GRM7: variants seen among roughly 807,000 people sequenced by gnomAD.
The protein encoded by GRM7 is glutamate metabotropic receptor 7.
GRM7 carries 35 observed loss-of-function variants against 84.5 expected under a neutral mutation model. The observed-to-expected ratio is 0.41, with a 90% confidence interval of 0.32 to 0.55. The LOEUF (loss-of-function observed/expected upper bound fraction) is 0.55, where lower values mean the gene tolerates loss of function less well. GRM7 is among the 20% of genes least tolerant of loss of function. The pLI is 0.19. For missense variants in GRM7, 1,003 were observed against 1,194.6 expected (o/e 0.84, Z 2.36); for synonymous variants, 487 against 455.1 (o/e 1.07, Z -0.89).
chr3:7,349,486 G>A (rs1209211148), intron 4 of GRM7, among the ~76,000 whole-genome samples: 1 of 152,124 alleles, frequency 6.6e-6, no homozygotes, highest in Non-Finnish European at 1.5e-5. Context: ...TAGGTACTCA[G>A]TCTCAAAGAT....
intron 4 of GRM7, among the ~76,000 whole-genome samples, chr3:7,348,903 T>G (rs562086339): frequency 6.6e-6 from 1 of 152,200 alleles, no homozygotes; most frequent in South Asian, 2.1e-4. Context: ...ATGAATAACA[T>G]ACATGTAATT....
At chr3:7,602,585 C>T (rs1039760319) in intron 8 of GRM7, among the ~76,000 whole-genome samples, 4 of 152,104 alleles carry the variant, frequency 2.6e-5, no homozygotes, top group African/African-American at 4.8e-5. Context: ...TCAGCATCAG[C>T]GACTACTTGG....
intron 7 of GRM7, among the ~76,000 whole-genome samples, chr3:7,565,112 T>A (rs574772708): frequency 2.6e-5 from 4 of 152,332 alleles, no homozygotes; most frequent in South Asian, 4.1e-4. Context: ...TAGATATGCA[T>A]TAAATGACCA....
At chr3:7,245,592 C>G (rs114545716) in intron 2 of GRM7, among the ~76,000 whole-genome samples, 2 of 151,906 alleles carry the variant, frequency 1.3e-5, no homozygotes, top group Non-Finnish European at 2.9e-5. Flanking sequence ...GAATATCCTT[C>G]AAAAATGAAG....
Position 7,545,744 on chromosome 3 carries a change from G to T in GRM7, c.1516-32678G>T, listed in dbSNP as rs1364974471. On this transcript the variant is annotated intron_variant, in intron 7 of 9. Transcript: ENST00000357716. ...AAGAAGAAGGCAATTTTGAGGGTCT[G>T]GAAAGGTTCTATTTCCTGATCTGTG... 2.0e-5 allele frequency among the ~76,000 whole-genome samples: 3 copies of T among 152,138 alleles called. No homozygotes were observed. In the East Asian group the frequency reaches 5.8e-4, roughly 29 times the overall value.
At chr3:7,684,028 A>T (rs1323668611) in intron 9 of GRM7, among the ~76,000 whole-genome samples, 2 of 152,248 alleles carry the variant, frequency 1.3e-5, no homozygotes, top group African/African-American at 4.8e-5. Flanking sequence ...GGGAAAAAGT[A>T]ACATCATAGA....
In GRM7 at chr3:7,548,618, G is replaced by A. The variant is rs113372229; in HGVS notation, c.1516-29804G>A. Among the ~76,000 whole-genome samples the A allele has an allele frequency of 2.6e-3, 403 of 152,294 alleles. 3 individuals are homozygous for A. Among genetic ancestry groups the A allele is most frequent in the African/African-American group, 9.3e-3 (385 of 41,558 alleles). On this transcript the variant is annotated intron_variant, in intron 7 of 9. Coordinates refer to ENST00000357716, the MANE Select transcript of GRM7 (RefSeq NM_000844.4). The stretch of plus-strand genomic sequence containing the variant: ...ATGTGTTTTCTGGGGAGGGTGGGAA[G>A]CAGAGCCATCTGTTACACCATCTAA...
At chr3:6,959,710 C>G (rs940072093) in intron 1 of GRM7, among the ~76,000 whole-genome samples, 19 of 152,176 alleles carry the variant, frequency 1.2e-4, no homozygotes, top group African/African-American at 4.6e-4. Context: ...GACATGTGAT[C>G]GATCACCAGA....
At chr3:7,533,185 G>T (rs1018301953) in intron 7 of GRM7, among the ~76,000 whole-genome samples, 3 of 152,250 alleles carry the variant, frequency 2.0e-5, no homozygotes, top group Non-Finnish European at 4.4e-5. Flanking sequence ...CACATCAAAA[G>T]AATATACATT....
chr3:7,740,373 G>A lies in GRM7; in HGVS notation c.2715G>A (p.Lys905=), dbSNP rs572271109. ...TTCTTTCAGGCCCTGCTGCAAAAAA[G>A]AAGTATGTCAGTTATAATAACCTGG... ...NVDPNSPAAK[K]KYVSYNNLVI Residue 905 remains lysine, a synonymous_variant, in exon 10 of 10, where the codon AAG becomes AAA. Coordinates refer to ENST00000357716, the MANE Select transcript of GRM7 (RefSeq NM_000844.4). 6.3e-7 allele frequency: 1 copy of A among 1,590,338 alleles called. No individual in the cohort carries two copies. Among genetic ancestry groups the A allele is most frequent in the Admixed American group, 1.7e-5 (1 of 57,806 alleles).
At position 6,861,492 on chromosome 3, in the gene GRM7, A is replaced by G. The variant is rs1415292245; in HGVS notation, c.104A>G (p.Gln35Arg). 6.3e-7 allele frequency: 1 copy of G among 1,579,724 alleles called. No individual in the cohort carries two copies. Among genetic ancestry groups the G allele is most frequent in the South Asian group, 1.2e-5 (1 of 85,896 alleles). ...LCALAAAARGQEMYAPHSIRI... is the reference protein window; with the variant it reads ...LCALAAAARGREMYAPHSIRI... ...GCGCTGGCGGCGGCGGCGCGCGGCC[A>G]GGAGATGTACGCCCCGCACTCAATC... The change falls in exon 1 of 10, where the codon CAG (glutamine) becomes CGG (arginine). Residue 35 changes from glutamine to arginine, a missense_variant. Transcript: ENST00000357716. This position sits in a 1 kb window ranked among gnomAD's most constrained non-coding sequence, Gnocchi z 6.4.
At chr3:7,032,921 A>G (rs917184352) in intron 1 of GRM7, among the ~76,000 whole-genome samples, 4 of 152,110 alleles carry the variant, frequency 2.6e-5, no homozygotes, top group Non-Finnish European at 5.9e-5. Flanking sequence ...ACCCCCTTCT[A>G]TGGTTTATTA....
At chr3:7,037,939 C>A (rs1696440514) in intron 1 of GRM7, among the ~76,000 whole-genome samples, 1 of 152,082 alleles carries the variant, frequency 6.6e-6, no homozygotes, top group African/African-American at 2.4e-5. Context: ...ACATAAAGTA[C>A]TCAACTTCTA....
chr3:7,690,177 G>A (rs1165202411), intron 9 of GRM7, among the ~76,000 whole-genome samples: 3 of 152,102 alleles, frequency 2.0e-5, no homozygotes, highest in Non-Finnish European at 4.4e-5. Flanking sequence ...GAAGCATACC[G>A]TTTTCGGGAA....
chr3:7,393,949 T>C (rs1695104395), intron 4 of GRM7, among the ~76,000 whole-genome samples: 1 of 152,154 alleles, frequency 6.6e-6, no homozygotes, highest in Non-Finnish European at 1.5e-5. Context: ...AACAATTAAG[T>C]GGTACAGTTT....
intron 8 of GRM7, among the ~76,000 whole-genome samples, chr3:7,586,816 C>T (rs576820064): frequency 7.9e-5 from 12 of 152,098 alleles, no homozygotes; most frequent in South Asian, 4.2e-4. Context: ...TCAAAAAAAC[C>T]GCAATGGACC....
intron 7 of GRM7, among the ~76,000 whole-genome samples, chr3:7,549,913 A>G (rs1693364539): frequency 6.6e-6 from 1 of 152,256 alleles, no homozygotes; most frequent in Non-Finnish European, 1.5e-5. Context: ...ATAGAAAGCT[A>G]TGAAATGAAC....
chr3:6,932,657 C>T (rs147437290), intron 1 of GRM7, among the ~76,000 whole-genome samples: 8 of 151,492 alleles, frequency 5.3e-5, no homozygotes, highest in East Asian at 1.9e-4. Flanking sequence ...TTCATCATAT[C>T]GGGAGGTCAC....
intron 1 of GRM7, among the ~76,000 whole-genome samples, chr3:7,012,709 A>C (rs1695417915): frequency 6.6e-6 from 1 of 152,136 alleles, no homozygotes; most frequent in African/African-American, 2.4e-5. Flanking sequence ...AAGAATCTGA[A>C]CAAATAGGCC....
Sources: gnomAD v4.1 joint callset for allele counts (sites outside exome capture counted in the v4.1 genomes callset) on GRCh38, gnomAD v4.1.1 for gene constraint, Gnocchi (gnomAD v3.1) non-coding constraint, MANE v1.5 for transcripts, NCBI Gene and HGNC (gene_info 2026-07-23, HGNC 2026-07-21) for gene names.